The following NXPE2 variants were observed in gnomAD, a reference collection of about 807,000 sequenced individuals.
The protein encoded by NXPE2 is neurexophilin and PC-esterase domain family member 2.
NXPE2 carries 34 observed loss-of-function variants against 34.4 expected under a neutral mutation model. The observed-to-expected ratio is 0.99, with a 90% CI of 0.75 to 1.31. The LOEUF (loss-of-function observed/expected upper bound fraction) is 1.31. NXPE2 is among the 40% of genes most tolerant of loss of function. NXPE2 has a pLI of 0.00. For missense variants in NXPE2, 649 were observed against 672.5 expected, an observed-to-expected ratio of 0.97 and a Z score of 0.39; for synonymous variants, 235 against 231.3, an observed-to-expected ratio of 1.02 and a Z score of -0.15.
chr11:114,582,483 G>T, the NXPE2 span: 1 of 1,614,130 alleles, frequency 6.2e-7, no homozygotes, highest in South Asian at 1.1e-5. Context: ...GACTTGGGAA[G>T]TGCCATTGAC....
At chr11:114,725,438 C>T in the NXPE2 span, among the ~76,000 whole-genome samples, 1 of 152,084 alleles carries the variant, frequency 6.6e-6, no homozygotes, top group South Asian at 2.1e-4. Flanking sequence ...CCAAGCCCAA[C>T]ACACTCAATA....
the NXPE2 span, among the ~76,000 whole-genome samples, chr11:114,486,001 A>G: frequency 1.3e-5 from 2 of 152,150 alleles, no homozygotes; most frequent in African/African-American, 4.8e-5. Flanking sequence ...TTTTGGGGGT[A>G]TATGCTTAGC....
At chr11:114,752,551 A>G in the NXPE2 span, among the ~76,000 whole-genome samples, 1 of 152,182 alleles carries the variant, frequency 6.6e-6, no homozygotes, top group Admixed American at 6.5e-5. Flanking sequence ...TGATGATAGC[A>G]TGGTCCAGGG....
the NXPE2 span, chr11:114,551,291 A>G: frequency 7.5e-7 from 1 of 1,326,410 alleles, no homozygotes; most frequent in Admixed American, 2.6e-5. Context: ...ATAACTTGTA[A>G]TTTGCCTCCA....
At chr11:114,543,488 T>C in the NXPE2 span, among the ~76,000 whole-genome samples, 2,060 of 151,190 alleles carry the variant, frequency 0.014, 50 homozygotes, top group African/African-American at 0.048. Context: ...GCCACTGCAC[T>C]CCAGCCTGGG....
chr11:114,633,135 T>G, the NXPE2 span, among the ~76,000 whole-genome samples: 1 of 126,246 alleles, frequency 7.9e-6, no homozygotes, highest in Non-Finnish European at 1.5e-5. Flanking sequence ...TTATATTTCA[T>G]ATATTATTTT....
At chr11:114,617,037 C>T in the NXPE2 span, among the ~76,000 whole-genome samples, 4 of 152,072 alleles carry the variant, frequency 2.6e-5, no homozygotes, top group African/African-American at 4.8e-5. Context: ...CGTGGGTAAC[C>T]TCTGTTACCC....
chr11:114,625,689 G>T, the NXPE2 span, among the ~76,000 whole-genome samples: 1 of 152,140 alleles, frequency 6.6e-6, no homozygotes, highest in African/African-American at 2.4e-5. Flanking sequence ...GGCCGAGTAG[G>T]AACAGCCCCG....
the NXPE2 span, among the ~76,000 whole-genome samples, chr11:114,722,361 A>C: frequency 6.6e-6 from 1 of 151,826 alleles, no homozygotes; most frequent in Non-Finnish European, 1.5e-5. Context: ...CCACCATGAC[A>C]GTAAGTATCC....
chr11:114,548,324 G>A, the NXPE2 span, among the ~76,000 whole-genome samples: 20 of 152,148 alleles, frequency 1.3e-4, no homozygotes, highest in African/African-American at 2.6e-4. Context: ...AAGACAGATC[G>A]TGTAGATATA....
chr11:114,538,252 TC>T, the NXPE2 span, among the ~76,000 whole-genome samples: 3 of 152,196 alleles, frequency 2.0e-5, no homozygotes, highest in Admixed American at 2.0e-4. Context: ...CTGGATGCCT[TC>T]CTTACACCTT....
the NXPE2 span, among the ~76,000 whole-genome samples, chr11:114,623,372 A>G: frequency 6.6e-6 from 1 of 151,680 alleles, no homozygotes; most frequent in Non-Finnish European, 1.5e-5. Context: ...ACCACTTTTA[A>G]ACGTGGGATA....
At chr11:114,661,064 G>GATCT in the NXPE2 span, among the ~76,000 whole-genome samples, 1 of 152,146 alleles carries the variant, frequency 6.6e-6, no homozygotes, top group African/African-American at 2.4e-5. Context: ...AAATACACAA[G>GATCT]ATCTATATAC....
At chr11:114,583,809 C>A in the NXPE2 span, 1 of 430,868 alleles carries the variant, frequency 2.3e-6, no homozygotes, top group South Asian at 1.8e-5. Context: ...ATGGAAGAGG[C>A]CTTCTATATT....
chr11:114,758,023 G>A, the NXPE2 span, among the ~76,000 whole-genome samples: 1 of 152,122 alleles, frequency 6.6e-6, no homozygotes, highest in African/African-American at 2.4e-5. Flanking sequence ...ATTGCCTTTG[G>A]CATTAACTGG....
chr11:114,538,479 A>G, the NXPE2 span, among the ~76,000 whole-genome samples: 3 of 152,220 alleles, frequency 2.0e-5, no homozygotes, highest in Non-Finnish European at 4.4e-5. Context: ...AACCACCATC[A>G]GAGTGAACAG....
the NXPE2 span, among the ~76,000 whole-genome samples, chr11:114,795,123 A>G: frequency 6.6e-6 from 1 of 152,336 alleles, no homozygotes; most frequent in Middle Eastern, 3.4e-3. Flanking sequence ...AGGTAGGAGA[A>G]GGCTGAGTGA....
chr11:114,500,596 T>C, the NXPE2 span, among the ~76,000 whole-genome samples: 1 of 152,200 alleles, frequency 6.6e-6, no homozygotes, highest in African/African-American at 2.4e-5. Context: ...TTTTGAAGAA[T>C]AGAAGATCTT....
At chr11:114,551,604 G>C in the NXPE2 span, among the ~76,000 whole-genome samples, 1 of 152,170 alleles carries the variant, frequency 6.6e-6, no homozygotes, top group Non-Finnish European at 1.5e-5. Context: ...GAATATGCTC[G>C]TATTACAAAA....
Sources: allele counts gnomAD v4.1 joint callset (sites outside exome capture counted in the v4.1 genomes callset), GRCh38; gene constraint gnomAD v4.1.1; transcripts MANE v1.5; gene names NCBI Gene and HGNC (gene_info 2026-07-23, HGNC 2026-07-21).